Variants in PPIL4 observed in about 807,000 individuals in gnomAD.
The protein encoded by PPIL4 is peptidylprolyl isomerase like 4, also known as peptidyl-prolyl cis-trans isomerase-like 4.
Under a neutral mutation model 69.1 loss-of-function variants are expected in PPIL4, and 50 were observed. The ratio of observed to expected loss-of-function variants is 0.72; its 90% CI spans 0.58 to 0.92. The LOEUF (loss-of-function observed/expected upper bound fraction) is 0.92, where lower values mean the gene tolerates loss of function less well. PPIL4 is among the 40% of genes least tolerant of loss of function. PPIL4 has a pLI of 0.00. For synonymous variants in PPIL4, 193 were observed against 191.6 expected (o/e 1.01, Z -0.06); for missense variants, 480 against 587.9 (o/e 0.82, Z 1.90).
intron 6 of PPIL4, among the ~76,000 whole-genome samples, chr6:149,534,390 AAC>A (rs1327052526): frequency 6.6e-6 from 1 of 152,194 alleles, no homozygotes; most frequent in Non-Finnish European, 1.5e-5. Flanking sequence ...CTCACAAGAT[AAC>A]AGTTTAATTT....
At chr6:149,525,596 T>C (rs1399945156) in intron 8 of PPIL4, among the ~76,000 whole-genome samples, 1 of 152,228 alleles carries the variant, frequency 6.6e-6, no homozygotes, top group Non-Finnish European at 1.5e-5. Context: ...TGTAGAATAA[T>C]GTATGCATAC....
chr6:149,538,129 A>G (rs1408811019), intron 4 of PPIL4, among the ~76,000 whole-genome samples: 1 of 151,932 alleles, frequency 6.6e-6, no homozygotes, highest in Non-Finnish European at 1.5e-5. Context: ...AGCCGGGCGT[A>G]GTGGTGCACA....
intron 7 of PPIL4, among the ~76,000 whole-genome samples, chr6:149,531,636 G>A (rs73604736): frequency 0.027 from 4,107 of 152,084 alleles, 162 homozygotes; most frequent in African/African-American, 0.093. Context: ...GATATTATTA[G>A]AACAACTGGC....
chr6:149,507,975 T>A (rs1249634007), intron 12 of PPIL4, among the ~76,000 whole-genome samples: 1 of 152,116 alleles, frequency 6.6e-6, no homozygotes, highest in Non-Finnish European at 1.5e-5. Context: ...AAGTGAAAAC[T>A]GAAAAGCAAG....
intron 7 of PPIL4, among the ~76,000 whole-genome samples, chr6:149,531,730 C>T (rs927633945): frequency 6.6e-6 from 1 of 151,976 alleles, no homozygotes; most frequent in African/African-American, 2.4e-5. Flanking sequence ...AGTGCAATGG[C>T]GCGATCTCGG....
intron 7 of PPIL4, among the ~76,000 whole-genome samples, chr6:149,529,737 TGAC>T (rs1162257886): frequency 1.5e-5 from 2 of 129,450 alleles, no homozygotes; most frequent in African/African-American, 6.1e-5. Flanking sequence ...TACTCTAGCC[TGAC>T]GACAAGAGCG....
intron 9 of PPIL4, among the ~76,000 whole-genome samples, chr6:149,523,517 C>T (rs777693431): frequency 5.3e-5 from 8 of 151,834 alleles, no homozygotes; most frequent in African/African-American, 9.7e-5. Context: ...ATCATAAAAC[C>T]CTGTATCTAC....
intron 3 of PPIL4, 50 bp downstream of exon 3, chr6:149,541,317 G>GTAAA (rs146577244): frequency 0.056 from 42,390 of 756,612 alleles, 2,007 homozygotes; most frequent in African/African-American, 0.19. Context: ...GAGGTTAAAA[G>GTAAA]TAAATAAATA....
chr6:149,519,474 A>T (rs796424398), intron 10 of PPIL4, among the ~76,000 whole-genome samples: 1 of 152,200 alleles, frequency 6.6e-6, no homozygotes, highest in Non-Finnish European at 1.5e-5. Context: ...TGTAATTTTC[A>T]TATGTGGAAA....
At chr6:149,535,535 G>C in intron 5 of PPIL4, 61 bp downstream of exon 5, 2 of 1,349,762 alleles carry the variant, frequency 1.5e-6, no homozygotes, top group South Asian at 2.6e-5. Context: ...ATACCACTAC[G>C]TGTTAAACAT....
intron 7 of PPIL4, among the ~76,000 whole-genome samples, chr6:149,528,495 C>A (rs548327891): frequency 6.6e-6 from 1 of 152,254 alleles, no homozygotes; most frequent in East Asian, 1.9e-4. Flanking sequence ...CACTATATTA[C>A]AAACAAATGC....
At chr6:149,525,334 T>C in intron 8 of PPIL4, 125 bp from the exon 9 acceptor site, 1 of 532,306 alleles carries the variant, frequency 1.9e-6, no homozygotes, top group South Asian at 2.8e-5. Context: ...TCATAGATTA[T>C]TTTTCCAAAT....
chr6:149,509,582 T>TA (rs1030515187), intron 12 of PPIL4, among the ~76,000 whole-genome samples: 11 of 152,130 alleles, frequency 7.2e-5, no homozygotes, highest in African/African-American at 2.7e-4. Context: ...ACTAAAGTAA[T>TA]AGAGTACAGA....
intron 1 of PPIL4, 77 bp downstream of exon 1, chr6:149,545,859 T>C (rs1285058649): frequency 2.9e-5 from 39 of 1,343,956 alleles, no homozygotes; most frequent in African/African-American, 5.8e-5. Flanking sequence ...ATCTCTGCCC[T>C]GGACTGCGCA....
rs550429748 is a variant in PPIL4 at position 149,542,965 on chromosome 6, C to T, written c.71-1379G>A. On this transcript the variant is annotated intron_variant, in intron 1 of 12. Coordinates refer to ENST00000253329, the MANE Select transcript of PPIL4 (RefSeq NM_139126.4). Reference sequence around the variant, plus strand: ...GAATATCAGTCTTGCAGTTGTTTTTCTTGAATATATTTCTGGGCTTCATGT... The same window carrying T: ...GAATATCAGTCTTGCAGTTGTTTTTTTTGAATATATTTCTGGGCTTCATGT... Among the ~76,000 whole-genome samples, 864 of 152,238 alleles carry T rather than the reference C, an allele frequency of 5.7e-3. 8 individuals are homozygous for T. Among genetic ancestry groups the T allele is most frequent in the African/African-American group, 0.02 (826 of 41,518 alleles).
chr6:149,546,019 C>A lies in PPIL4; in HGVS notation c.-14G>T. 1.3e-6 allele frequency: 2 copies of A among 1,567,014 alleles called. No homozygotes were observed. Among genetic ancestry groups the A allele is most frequent in the South Asian group, 2.3e-5 (2 of 86,150 alleles). On this transcript the variant is annotated 5_prime_UTR_variant, in exon 1 of 13. Coordinates refer to ENST00000253329, the MANE Select transcript of PPIL4 (RefSeq NM_139126.4). ...TAGAACCGCCATGGCGCCCGCTCCTCCTCCGCTACAAACCCCGGGAGGAGG... is the reference window on the plus strand; with the variant it reads ...TAGAACCGCCATGGCGCCCGCTCCTACTCCGCTACAAACCCCGGGAGGAGG...
chr6:149,510,386 T>G (rs1174056187), intron 12 of PPIL4, among the ~76,000 whole-genome samples: 1 of 152,090 alleles, frequency 6.6e-6, no homozygotes, highest in Admixed American at 6.6e-5. Flanking sequence ...TTGGAAACAG[T>G]TTTTAAAACT....
At chr6:149,522,687 A>G (rs973068996) in intron 9 of PPIL4, among the ~76,000 whole-genome samples, 2 of 152,160 alleles carry the variant, frequency 1.3e-5, no homozygotes, top group Non-Finnish European at 2.9e-5. Context: ...ATGCTGGCTC[A>G]CTGCAACCTC....
intron 9 of PPIL4, among the ~76,000 whole-genome samples, chr6:149,522,569 T>C (rs539832680): frequency 2.6e-5 from 4 of 152,250 alleles, no homozygotes; most frequent in South Asian, 4.1e-4. Flanking sequence ...TTTTTTATTA[T>C]TTTTTTCATC....
Sources: gnomAD v4.1 joint callset for allele counts (sites outside exome capture counted in the v4.1 genomes callset) on GRCh38, gnomAD v4.1.1 for gene constraint, MANE v1.5 for transcripts, NCBI Gene and HGNC (gene_info 2026-07-23, HGNC 2026-07-21) for gene names.